SPAG16: variants seen among roughly 807,000 people sequenced by gnomAD.
SPAG16 encodes the protein sperm associated antigen 16.
In SPAG16, 86 loss-of-function variants were observed where a neutral mutation model predicts 80.4. The ratio of observed to expected loss-of-function variants is 1.07; its 90% CI spans 0.90 to 1.28. The LOEUF is 1.28. Ranked by LOEUF, SPAG16 falls within the 50% of genes most tolerant of loss-of-function variation. The probability of loss-of-function intolerance (pLI) is 0.00; values close to 1 mark genes in which losing one functional copy is unlikely to be tolerated. For synonymous variants in SPAG16, 294 were observed against 265.9 expected (o/e 1.11, Z -1.03); for missense variants, 870 against 765.3 (o/e 1.14, Z -1.61).
chr2:213,428,340 T>C (rs571285790), intron 9 of SPAG16, among the ~76,000 whole-genome samples: 1 of 152,220 alleles, frequency 6.6e-6, no homozygotes, highest in South Asian at 2.1e-4. Context: ...TGAATCTAAA[T>C]TGGAGAGAGG....
intron 10 of SPAG16, among the ~76,000 whole-genome samples, chr2:213,537,152 G>A (rs1174926284): frequency 8.0e-6 from 1 of 125,760 alleles, no homozygotes; most frequent in Non-Finnish European, 1.6e-5. Context: ...TCACACTCTG[G>A]GGACTGTTGC....
At chr2:213,467,826 G>T (rs2072786367) in intron 9 of SPAG16, among the ~76,000 whole-genome samples, 1 of 152,236 alleles carries the variant, frequency 6.6e-6, no homozygotes, top group Non-Finnish European at 1.5e-5. Context: ...GGTCAAGGTG[G>T]CTTCCTCATG....
chr2:214,008,017 C>A (rs1009082857), intron 12 of SPAG16, among the ~76,000 whole-genome samples: 2 of 152,022 alleles, frequency 1.3e-5, no homozygotes, highest in Non-Finnish European at 2.9e-5. Flanking sequence ...TTATGTTAGA[C>A]CTTGTAATAT....
intron 9 of SPAG16, among the ~76,000 whole-genome samples, chr2:213,452,463 AT>A (rs2071757422): frequency 6.6e-6 from 1 of 152,132 alleles, no homozygotes; most frequent in Non-Finnish European, 1.5e-5. Flanking sequence ...TCTCTAATAT[AT>A]TATATCCATG....
At chr2:213,403,487 G>A (rs932926472) in intron 9 of SPAG16, among the ~76,000 whole-genome samples, 5 of 148,006 alleles carry the variant, frequency 3.4e-5, no homozygotes, top group African/African-American at 1.2e-4. Flanking sequence ...TGCAGAAAAG[G>A]CCTTTGACAA....
intron 10 of SPAG16, among the ~76,000 whole-genome samples, chr2:213,518,985 G>T (rs920880841): frequency 6.6e-6 from 1 of 152,274 alleles, no homozygotes; most frequent in Middle Eastern, 3.4e-3. Context: ...AAAGCAAATA[G>T]CACATGTTCT....
intron 10 of SPAG16, among the ~76,000 whole-genome samples, chr2:213,637,194 T>G (rs2062396071): frequency 6.6e-6 from 1 of 152,248 alleles, no homozygotes; most frequent in African/African-American, 2.4e-5. Context: ...ATGCTTTTTC[T>G]GTATCTATTG....
intron 15 of SPAG16, among the ~76,000 whole-genome samples, chr2:214,363,759 C>A (rs1699318092): frequency 1.3e-5 from 2 of 152,046 alleles, no homozygotes; most frequent in South Asian, 4.1e-4. Context: ...TTACAAAGAC[C>A]GAAGGTAATA....
intron 10 of SPAG16, among the ~76,000 whole-genome samples, chr2:213,555,533 G>A (rs891858736): frequency 6.6e-6 from 1 of 152,184 alleles, no homozygotes; most frequent in African/African-American, 2.4e-5. Flanking sequence ...AGAACTGTGA[G>A]TCAATTAAAC....
rs1002150761 is a variant in SPAG16 at position 214,096,256 on chromosome 2, T to C, written c.1528-11940T>C. On this transcript the variant is annotated intron_variant, in intron 13 of 15. Coordinates refer to ENST00000331683, the MANE Select transcript of SPAG16 (RefSeq NM_024532.5). The stretch of plus-strand genomic sequence containing the variant: ...ATTTTATGATGCTGGTAGTTTTACA[T>C]AGAGAGGTTGGTTTTTTTAATGCAA... Among the ~76,000 whole-genome samples, 8 of 150,194 alleles carry C rather than the reference T, an allele frequency of 5.3e-5. No homozygotes were observed. In the East Asian group the frequency reaches 5.9e-4, roughly 11 times the overall value.
intron 15 of SPAG16, among the ~76,000 whole-genome samples, chr2:214,330,363 T>G (rs1358024187): frequency 6.6e-6 from 1 of 151,758 alleles, no homozygotes; most frequent in African/African-American, 2.4e-5. Flanking sequence ...AGGAATAGAA[T>G]TGAAGAAGTT....
chr2:213,352,794 T>C (rs1439421795), intron 7 of SPAG16, among the ~76,000 whole-genome samples: 1 of 152,364 alleles, frequency 6.6e-6, no homozygotes, highest in South Asian at 2.1e-4. Flanking sequence ...CAAAGAAATA[T>C]ATCTTTATTA....
chr2:213,452,968 A>C (rs890870767), intron 9 of SPAG16, among the ~76,000 whole-genome samples: 4 of 152,216 alleles, frequency 2.6e-5, no homozygotes, highest in Admixed American at 6.5e-5. Context: ...GATCTTTTTG[A>C]ATTAACAGCT....
intron 10 of SPAG16, among the ~76,000 whole-genome samples, chr2:213,860,469 C>CTATATATAGATA (rs763500105): frequency 7.6e-6 from 1 of 131,206 alleles, no homozygotes. Flanking sequence ...ACAGATATAT[C>CTATATATAGATA]TATCTATATA....
chr2:213,547,002 G>T (rs1225912104), intron 10 of SPAG16, among the ~76,000 whole-genome samples: 2 of 152,110 alleles, frequency 1.3e-5, no homozygotes, highest in Non-Finnish European at 2.9e-5. Context: ...AAAAGAACCT[G>T]AGGCTAATAG....
intron 9 of SPAG16, among the ~76,000 whole-genome samples, chr2:213,383,504 A>G (rs532999977): frequency 6.6e-6 from 1 of 152,240 alleles, no homozygotes; most frequent in East Asian, 1.9e-4. Context: ...GATTATATGA[A>G]TCCTCTTGAA....
chr2:214,351,027 G>A (rs10804225), intron 15 of SPAG16, among the ~76,000 whole-genome samples: 1 of 151,788 alleles, frequency 6.6e-6, no homozygotes, highest in African/African-American at 2.4e-5. Context: ...GGCTAAGCTG[G>A]ACAAGCAGAG....
intron 15 of SPAG16, among the ~76,000 whole-genome samples, chr2:214,221,222 AT>A (rs1197252366): frequency 2.6e-5 from 4 of 151,958 alleles, no homozygotes; most frequent in Non-Finnish European, 5.9e-5. Flanking sequence ...CAGTAGTTTT[AT>A]TTTTCTTTTC....
At chr2:214,077,532 C>G (rs972707316) in intron 13 of SPAG16, among the ~76,000 whole-genome samples, 1 of 152,236 alleles carries the variant, frequency 6.6e-6, no homozygotes, top group Non-Finnish European at 1.5e-5. Context: ...ACTGCTGTCT[C>G]CAAAGTCATC....
Sources: gnomAD v4.1 joint callset for allele counts (sites outside exome capture counted in the v4.1 genomes callset) on GRCh38, gnomAD v4.1.1 for gene constraint, MANE v1.5 for transcripts, NCBI Gene and HGNC (gene_info 2026-07-23, HGNC 2026-07-21) for gene names.